Variants in C16orf74 observed in about 807,000 individuals in gnomAD.
The protein encoded by C16orf74 is uncharacterized protein C16orf74.
C16orf74 carries 10 observed loss-of-function variants against 6.5 expected under a neutral mutation model. That is an observed-to-expected ratio of 1.54 (90% CI 0.95 to 2.61). C16orf74 has a LOEUF of 2.61. Among genes scored for constraint, C16orf74 ranks in the 30% most tolerant of loss-of-function variants. The pLI, the probability that C16orf74 is intolerant of heterozygous loss-of-function variation, is 0.00. For synonymous variants in C16orf74, 60 were observed against 42.5 expected (o/e 1.41, Z -1.60); for missense variants, 141 against 105.9 (o/e 1.33, Z -1.45).
chr16:85,728,052 C>G (rs2054151900), intron 2 of C16orf74, among the ~76,000 whole-genome samples: 1 of 151,584 alleles, frequency 6.6e-6, no homozygotes, highest in Non-Finnish European at 1.5e-5. Context: ...GCAGGAGAAC[C>G]ACTTGAGCCC....
rs998126520 is a variant in C16orf74, at chr16:85,707,824, C to G, written c.*184G>C. The G allele has an allele frequency of 1.2e-5, 7 of 596,572 alleles. No individual in the cohort carries two copies. The highest frequency in any genetic ancestry group is 2.9e-5 in the East Asian group (1 of 34,336). 37.0% of individuals were successfully genotyped at this position (596,572 alleles called of 1,614,324 possible). On this transcript the variant is annotated 3_prime_UTR_variant, in exon 4 of 4. Coordinates refer to ENST00000284245, the MANE Select transcript of C16orf74 (RefSeq NM_206967.3). The stretch of plus-strand genomic sequence containing the variant: ...TCCACTCAGCGGGGCCTGGGAAACA[C>G]TGTTCTGGAAGTGGACAGGCTGGAT...
intron 1 of C16orf74, among the ~76,000 whole-genome samples, chr16:85,745,811 T>A (rs2054367386): frequency 6.6e-6 from 1 of 151,916 alleles, no homozygotes; most frequent in Admixed American, 6.6e-5. Flanking sequence ...ACACAGAATC[T>A]CCCGCTGGCT....
chr16:85,748,552 C>T (rs1349636435), intron 1 of C16orf74, among the ~76,000 whole-genome samples: 1 of 151,226 alleles, frequency 6.6e-6, no homozygotes. Flanking sequence ...GAGCCGAGAT[C>T]ACGCCACTGC....
intron 2 of C16orf74, 34 bp downstream of exon 2, chr16:85,735,156 T>C: frequency 1.3e-6 from 2 of 1,585,074 alleles, no homozygotes; most frequent in Non-Finnish European, 1.7e-6. Context: ...CCCTCTGCCA[T>C]GAGAGCTGGT....
At chr16:85,749,877 T>C (rs887837028) in intron 1 of C16orf74, among the ~76,000 whole-genome samples, 1 of 152,216 alleles carries the variant, frequency 6.6e-6, no homozygotes, top group African/African-American at 2.4e-5. Context: ...TCCTTGGGGC[T>C]GGTGAGGGAT....
intron 1 of C16orf74, chr16:85,744,329 T>C (rs1429505959): frequency 1.3e-5 from 2 of 151,282 alleles, no homozygotes; most frequent in Non-Finnish European, 2.9e-5. Context: ...TAGCTTGGCA[T>C]GATGGTATGG....
At chr16:85,747,998 A>C (rs1212880728) in intron 1 of C16orf74, among the ~76,000 whole-genome samples, 1 of 151,976 alleles carries the variant, frequency 6.6e-6, no homozygotes, top group Non-Finnish European at 1.5e-5. Flanking sequence ...GAGGTAGAGA[A>C]TTGCTTGAAC....
intron 2 of C16orf74, among the ~76,000 whole-genome samples, chr16:85,715,123 C>T (rs146364174): frequency 5.9e-4 from 88 of 149,420 alleles, no homozygotes; most frequent in African/African-American, 1.7e-3. Flanking sequence ...CGCCACTGCA[C>T]TCCAGCCCGG....
At chr16:85,722,505 G>A (rs1490629667) in intron 2 of C16orf74, among the ~76,000 whole-genome samples, 5 of 152,210 alleles carry the variant, frequency 3.3e-5, no homozygotes, top group Admixed American at 6.5e-5. Flanking sequence ...GAGCGGAAGC[G>A]GCACCAAGCA....
chr16:85,737,160 C>T (rs543026521), intron 1 of C16orf74, among the ~76,000 whole-genome samples: 1 of 152,288 alleles, frequency 6.6e-6, no homozygotes, highest in East Asian at 1.9e-4. Context: ...CGAACAATGT[C>T]AGCTGCTGCT....
chr16:85,713,852 G>A (rs974177041), intron 2 of C16orf74, among the ~76,000 whole-genome samples: 1 of 152,188 alleles, frequency 6.6e-6, no homozygotes, highest in Non-Finnish European at 1.5e-5. Context: ...ATGGCTCCAC[G>A]AGGAGAGGAC....
At chr16:85,736,157 G>T (rs1017491195) in intron 1 of C16orf74, among the ~76,000 whole-genome samples, 1 of 152,210 alleles carries the variant, frequency 6.6e-6, no homozygotes. Context: ...AGGAACAGGT[G>T]GGGAGAAGCC....
At chr16:85,734,684 C>G (rs1808052549) in intron 2 of C16orf74, among the ~76,000 whole-genome samples, 1 of 152,180 alleles carries the variant, frequency 6.6e-6, no homozygotes, top group African/African-American at 2.4e-5. Flanking sequence ...CTGAGGTGCC[C>G]CAGGGCCATC....
intron 2 of C16orf74, 52 bp downstream of exon 2, chr16:85,735,138 C>G: frequency 2.6e-6 from 4 of 1,561,838 alleles, no homozygotes; most frequent in Middle Eastern, 1.7e-4. Context: ...GCCCCCCAAC[C>G]CAGCACCCCC....
At chr16:85,725,094 T>A (rs1280907581) in intron 2 of C16orf74, among the ~76,000 whole-genome samples, 1 of 152,144 alleles carries the variant, frequency 6.6e-6, no homozygotes, top group Admixed American at 6.5e-5. Context: ...GTCCCTGCTG[T>A]AAGCCAGGAG....
chr16:85,740,691 CAAAAAAAAA>C (rs59658163), intron 1 of C16orf74, among the ~76,000 whole-genome samples: 1 of 131,024 alleles, frequency 7.6e-6, no homozygotes, highest in Non-Finnish European at 1.6e-5. Flanking sequence ...GACTCTGTTT[CAAAAAAAAA>C]AAAAAAAAAA....
At chr16:85,728,626 C>A (rs1449602734) in intron 2 of C16orf74, among the ~76,000 whole-genome samples, 2 of 152,246 alleles carry the variant, frequency 1.3e-5, no homozygotes, top group African/African-American at 4.8e-5. Flanking sequence ...CAGTTTAAGT[C>A]TTCCTGCAGA....
rs551975001 is a variant in C16orf74, at chr16:85,734,324, T to C, written c.28+866A>G. Among the ~76,000 whole-genome samples, 6 of 152,224 alleles carry C rather than the reference T, an allele frequency of 3.9e-5. No individual in the cohort carries two copies. In the East Asian group the frequency reaches 1.2e-3, roughly 29 times the overall value. On this transcript the variant is annotated intron_variant, in intron 2 of 3. Coordinates refer to ENST00000284245, the MANE Select transcript of C16orf74 (RefSeq NM_206967.3). ...CTGATAAGGAAACTGAGGCCCTTGA[T>C]CTAGGTCTCACAGAGGCATTGGTGA...
intron 2 of C16orf74, among the ~76,000 whole-genome samples, chr16:85,714,161 C>A (rs1049645967): frequency 6.6e-6 from 1 of 152,080 alleles, no homozygotes; most frequent in Non-Finnish European, 1.5e-5. Flanking sequence ...GGGGAATCAG[C>A]CGACTCCCTG....
Sources: gnomAD v4.1 joint callset for allele counts (sites outside exome capture counted in the v4.1 genomes callset) on GRCh38, gnomAD v4.1.1 for gene constraint, MANE v1.5 for transcripts, NCBI Gene and HGNC (gene_info 2026-07-23, HGNC 2026-07-21) for gene names.